Variants in MKKS observed in about 807,000 individuals in gnomAD.
MKKS encodes MKKS centrosomal shuttling protein.
Under a neutral mutation model 33.2 loss-of-function variants are expected in MKKS, and 29 were observed. That is an observed-to-expected ratio of 0.87 (90% CI 0.65 to 1.19). MKKS has a LOEUF of 1.19. MKKS is among the 50% of genes most tolerant of loss of function. The pLI is 0.00. For missense variants in MKKS, 661 were observed against 662.3 expected (o/e 1.00, Z 0.02); for synonymous variants, 260 against 244.0 (o/e 1.07, Z -0.61).
intron 2 of MKKS, among the ~76,000 whole-genome samples, chr20:10,415,422 C>T (rs982348924): frequency 6.6e-6 from 1 of 152,120 alleles, no homozygotes; most frequent in Admixed American, 6.6e-5. Context: ...TTTTGGTTAC[C>T]ATTCCCAATT....
At chr20:10,428,186 G>T (rs756535313) in intron 1 of MKKS, among the ~76,000 whole-genome samples, 1 of 152,194 alleles carries the variant, frequency 6.6e-6, no homozygotes, top group Non-Finnish European at 1.5e-5. Context: ...CACAATGGTT[G>T]TAGTGGTTTA....
At chr20:10,424,923 G>A (rs1245383889) in intron 1 of MKKS, among the ~76,000 whole-genome samples, 1 of 151,834 alleles carries the variant, frequency 6.6e-6, no homozygotes, top group Non-Finnish European at 1.5e-5. Context: ...TGTGGTGGCA[G>A]GCGCCTGTAA....
At chr20:10,424,945 C>A (rs1410959362) in intron 1 of MKKS, among the ~76,000 whole-genome samples, 2 of 151,430 alleles carry the variant, frequency 1.3e-5, no homozygotes, top group African/African-American at 4.9e-5. Context: ...CCCAGCTACT[C>A]GGGAGGCTGA....
intron 1 of MKKS, among the ~76,000 whole-genome samples, chr20:10,424,353 C>T (rs566797018): frequency 1.7e-4 from 26 of 152,022 alleles, no homozygotes; most frequent in South Asian, 1.2e-3. Flanking sequence ...CCCATGAGTT[C>T]GAGACTGCCT....
At chr20:10,414,815 A>T (rs2064925398) in intron 2 of MKKS, among the ~76,000 whole-genome samples, 1 of 152,190 alleles carries the variant, frequency 6.6e-6, no homozygotes, top group African/African-American at 2.4e-5. Context: ...CCAAAAAACA[A>T]ACCATGTTTT....
intron 2 of MKKS, among the ~76,000 whole-genome samples, chr20:10,414,355 T>A (rs1439496654): frequency 1.4e-5 from 2 of 147,004 alleles, no homozygotes; most frequent in Admixed American, 1.4e-4. Flanking sequence ...AACCTCAGCC[T>A]CCTGGGTTCA....
At chr20:10,407,548 G>T (rs1241743569) in intron 5 of MKKS, 68 bp downstream of exon 5, 4 of 1,282,022 alleles carry the variant, frequency 3.1e-6, no homozygotes, top group Non-Finnish European at 4.5e-6. Context: ...TTATGATTTT[G>T]GCTTATTATC....
intron 1 of MKKS, among the ~76,000 whole-genome samples, chr20:10,428,398 A>T (rs1029255066): frequency 3.3e-5 from 5 of 152,264 alleles, no homozygotes; most frequent in African/African-American, 9.6e-5. Context: ...TAAAGAGCCC[A>T]TTTCTACCCT....
Position 10,401,775 on chromosome 20 carries a change from T to C in MKKS, c.*3472A>G, listed in dbSNP as rs981851061. The C allele has an allele frequency of 4.6e-5, 7 of 152,084 alleles. No individual in the cohort carries two copies. Among genetic ancestry groups the C allele is most frequent in the African/African-American group, 1.7e-4 (7 of 41,410 alleles). The allele number at this position is 152,084 out of a possible 1,614,324, so 9.4% of individuals were successfully genotyped here. A position where few individuals can be genotyped will look rare whatever the true frequency, so the allele number is the denominator to read the frequency against. On this transcript the variant is annotated 3_prime_UTR_variant, in exon 6 of 6. Transcript: ENST00000347364. ...GCTTTGATAATACAAACCAAATGAG[T>C]TCAAGGATACCTATAATAAAAGATA...
intron 3 of MKKS, among the ~76,000 whole-genome samples, chr20:10,410,824 G>C (rs954860079): frequency 3.3e-5 from 5 of 152,076 alleles, no homozygotes; most frequent in Admixed American, 3.3e-4. Context: ...AAGTTTACCT[G>C]CGCTATGTGC....
At chr20:10,418,978 T>G (rs1197739774) in intron 2 of MKKS, among the ~76,000 whole-genome samples, 1 of 152,186 alleles carries the variant, frequency 6.6e-6, no homozygotes, top group Non-Finnish European at 1.5e-5. Flanking sequence ...TGTTACTACC[T>G]GGCTTTTATA....
Position 10,405,538 on chromosome 20 carries a change from A to G in MKKS, c.1422T>C (p.Tyr474=), listed in dbSNP as rs777980292. ...CTGCCTGAACTGACCAAAGGTGTCCATACTTCATGTCAGTGAGAATTTCAC... is the reference window on the plus strand; with the variant it reads ...CTGCCTGAACTGACCAAAGGTGTCCGTACTTCATGTCAGTGAGAATTTCAC... ...DGGEILTDMK[Y]GHLWSVQADS... Residue 474 remains tyrosine, a synonymous_variant, in exon 6 of 6, where the codon TAT becomes TAC. Transcript: ENST00000347364. 25 of 1,614,106 alleles carry G rather than the reference A, an allele frequency of 1.5e-5. No homozygotes were observed. In the Admixed American group the frequency reaches 3.8e-4, roughly 25 times the overall value.
At chr20:10,412,032 AAC>A (rs2064891989) in intron 3 of MKKS, among the ~76,000 whole-genome samples, 1 of 152,208 alleles carries the variant, frequency 6.6e-6, no homozygotes, top group Admixed American at 6.5e-5. Context: ...GTCAGGTGGG[AAC>A]AGTTTTGATA....
Position 10,408,649 on chromosome 20 carries a change from G to A in MKKS, c.1140C>T (p.Asp380=). 3.1e-6 allele frequency: 5 copies of A among 1,614,054 alleles called. No individual in the cohort carries two copies. The highest frequency in any genetic ancestry group is 3.4e-6 in the Non-Finnish European group (4 of 1,180,014). ...ICSLLLCNRN[D]TAWDELKLTC... ...CTACCTTCAGCTCATCCCAGGCAGTGTCATTTCTGTTGCAGAGAAGCAAGC... is the reference window on the plus strand; with the variant it reads ...CTACCTTCAGCTCATCCCAGGCAGTATCATTTCTGTTGCAGAGAAGCAAGC... The change falls in exon 4 of 6, where the codon GAC becomes GAT. Residue 380 remains aspartate (D), a synonymous_variant. Coordinates refer to ENST00000347364, the MANE Select transcript of MKKS (RefSeq NM_170784.3).
intron 1 of MKKS, among the ~76,000 whole-genome samples, chr20:10,432,939 G>A (rs1189234811): frequency 6.6e-6 from 1 of 152,098 alleles, no homozygotes; most frequent in South Asian, 2.1e-4. Context: ...CAGTGTTTAG[G>A]GAATGACAAG....
intron 1 of MKKS, among the ~76,000 whole-genome samples, chr20:10,422,045 TC>T (rs1292971362): frequency 3.3e-5 from 5 of 152,104 alleles, no homozygotes; most frequent in Non-Finnish European, 7.4e-5. Context: ...AATTTCTTAT[TC>T]CCCCTTTTAA....
In MKKS at chr20:10,408,780, C is replaced by A; in HGVS notation, c.1009G>T (p.Gly337Cys). ...CCATAACTATTAGGACATATTGAGC[C>A]TAGGGATCCAATAGGCTGTGTTCCT... ...MTGTQPIGSL[G>C]SICPNSYGSV... Residue 337 changes from glycine (G) to cysteine (C), a missense_variant, in exon 4 of 6, where the codon GGC (glycine) becomes TGC (cysteine). Transcript: ENST00000347364. The A allele has an allele frequency of 1.2e-6, 2 of 1,613,528 alleles. No homozygotes were observed. Among genetic ancestry groups the A allele is most frequent in the Non-Finnish European group, 1.7e-6 (2 of 1,179,666 alleles).
At chr20:10,410,623 A>G in intron 3 of MKKS, among the ~76,000 whole-genome samples, 1 of 151,966 alleles carries the variant, frequency 6.6e-6, no homozygotes, top group South Asian at 2.1e-4. Context: ...GTGAGACTCC[A>G]CCTTAAAACA....
At chr20:10,417,174 C>T (rs889692700) in intron 2 of MKKS, among the ~76,000 whole-genome samples, 1 of 150,628 alleles carries the variant, frequency 6.6e-6, no homozygotes, top group Non-Finnish European at 1.5e-5. Flanking sequence ...TCACTTCAAC[C>T]CAGAAGGCAG....
Sources: gnomAD v4.1 joint callset for allele counts (sites outside exome capture counted in the v4.1 genomes callset) on GRCh38, gnomAD v4.1.1 for gene constraint, MANE v1.5 for transcripts, NCBI Gene and HGNC (gene_info 2026-07-23, HGNC 2026-07-21) for gene names.